ATAD3B: variants seen among roughly 807,000 people sequenced by gnomAD.
ATAD3B encodes the protein ATPase family AAA domain containing 3B, also known as ATPase family AAA domain-containing protein 3B.
A neutral mutation model predicts 70.2 loss-of-function variants in ATAD3B; 59 were observed. The observed-to-expected ratio is 0.84, with a 90% CI of 0.68 to 1.04. The LOEUF (loss-of-function observed/expected upper bound fraction) is 1.04. Ranked by LOEUF, ATAD3B falls within the 50% of genes least tolerant of loss-of-function variation. The pLI is 0.00. For missense variants in ATAD3B, 961 were observed against 913.4 expected, an observed-to-expected ratio of 1.05 and a Z score of -0.67; for synonymous variants, 423 against 388.6, an observed-to-expected ratio of 1.09 and a Z score of -1.04.
intron 7 of ATAD3B, among the ~76,000 whole-genome samples, chr1:1,483,309 A>G (rs1640024247): frequency 6.6e-6 from 1 of 151,776 alleles, no homozygotes. Context: ...TCTGCTAAAA[A>G]TACAAAAATT....
At chr1:1,477,501 G>T (rs181067273) in intron 2 of ATAD3B, 151 bp downstream of exon 2, 4 of 1,350,612 alleles carry the variant, frequency 3.0e-6, no homozygotes, top group Admixed American at 2.1e-5. Context: ...ATTTCACAGA[G>T]GGAAACAAGG....
At chr1:1,501,794 G>A (rs1364376250), downstream of ATAD3B, among the ~76,000 whole-genome samples, 1 of 152,178 alleles carries the variant, frequency 6.6e-6, no homozygotes, top group African/African-American at 2.4e-5. Context: ...AATGCACTAC[G>A]GCAGTCCGTG....
chr1:1,477,212 G>A (rs1163265715), intron 1 of ATAD3B, 62 bp from the exon 2 acceptor site: 4 of 1,594,638 alleles, frequency 2.5e-6, no homozygotes, highest in Admixed American at 3.4e-5. Flanking sequence ...GTTTCACCAT[G>A]TTGGCCAGGC....
chr1:1,499,963 T>A (rs1182364110), downstream of ATAD3B, among the ~76,000 whole-genome samples: 1 of 149,024 alleles, frequency 6.7e-6, no homozygotes, highest in Admixed American at 6.7e-5. Context: ...AGTGGCACGA[T>A]CTTGTCTCAC....
At chr1:1,472,649 A>C (rs563505423) in intron 1 of ATAD3B, among the ~76,000 whole-genome samples, 13 of 152,174 alleles carry the variant, frequency 8.5e-5, no homozygotes, top group Admixed American at 8.5e-4. Context: ...CAAGGCCCTC[A>C]GGGTGTGAGC....
chr1:1,499,384 G>A (rs189992875), downstream of ATAD3B, among the ~76,000 whole-genome samples: 13 of 141,378 alleles, frequency 9.2e-5, no homozygotes, highest in African/African-American at 2.9e-4. Context: ...TTACAGGCAC[G>A]TGCCACCACG....
chr1:1,490,360 C>G lies in ATAD3B; in HGVS notation c.1441C>G (p.Arg481Gly). 1.2e-6 allele frequency: 2 copies of G among 1,613,480 alleles called. No homozygotes were observed. Among genetic ancestry groups the G allele is most frequent in the South Asian group, 1.1e-5 (1 of 91,030 alleles). ...CTTCGACCTGCCGCAGCAGGAGGAG[C>G]GGGAGCGCCTGGTGAGACTGCATTT... ...VHFDLPQQEE[R>G]ERLVRLHFDN... The change falls in exon 14 of 16, where the codon CGG becomes GGG. Residue 481 changes from arginine (R) to glycine (G), a missense_variant. Coordinates refer to ENST00000673477, the MANE Select transcript of ATAD3B (RefSeq NM_031921.6).
At chr1:1,484,787 G>A (rs1640111507) in intron 7 of ATAD3B, 4 of 1,233,000 alleles carry the variant, frequency 3.2e-6, no homozygotes, top group East Asian at 5.3e-5. Context: ...TATGCTGCCA[G>A]TTGCAGAGAA....
At position 1,489,120 on chromosome 1, in the gene ATAD3B, G is replaced by T; in HGVS notation, c.1267-84G>T. 3.1e-6 allele frequency: 5 copies of T among 1,603,080 alleles called. 1 individual carries two copies. In the South Asian group the frequency reaches 5.5e-5, roughly 18 times the overall value. ...TGTCGCCACGTCCCTGCTCCCTGCA[G>T]GAGGGAGGCCTGTGGGACTTTCTGC... On this transcript the variant is annotated intron_variant, in intron 12 of 15. Transcript: ENST00000673477.
downstream of ATAD3B, among the ~76,000 whole-genome samples, chr1:1,498,195 C>T (rs564832176): frequency 5.5e-4 from 83 of 152,032 alleles, 1 homozygote; most frequent in Admixed American, 1.9e-3. Flanking sequence ...CCCAGCTACT[C>T]GGGAGGCCGA....
chr1:1,498,532 G>A (rs568720300), downstream of ATAD3B, among the ~76,000 whole-genome samples: 116 of 151,910 alleles, frequency 7.6e-4, no homozygotes, highest in Non-Finnish European at 3.7e-4. Context: ...GGATGGGGTC[G>A]GTGGGTGGGG....
chr1:1,501,316 A>G (rs552259022), downstream of ATAD3B, among the ~76,000 whole-genome samples: 146 of 150,734 alleles, frequency 9.7e-4, no homozygotes, highest in African/African-American at 3.2e-3. Flanking sequence ...GTGCAATGGC[A>G]CGATCTCGGC....
chr1:1,486,026 G>A (rs568244447), intron 9 of ATAD3B, 84 bp from the exon 10 acceptor site: 32 of 1,603,826 alleles, frequency 2.0e-5, no homozygotes, highest in East Asian at 4.5e-5. Flanking sequence ...AGCAGAGTCC[G>A]CACCCGGGCA....
At chr1:1,495,391 C>T (rs1223761802) in intron 15 of ATAD3B, 94 bp from the exon 16 acceptor site, 1 of 1,480,476 alleles carries the variant, frequency 6.8e-7, no homozygotes, top group African/African-American at 1.4e-5. Flanking sequence ...CCTGGTGCCC[C>T]TGGTTTGGCC....
In ATAD3B at chr1:1,490,072, C is replaced by T. The variant is rs142544736; in HGVS notation, c.1338-185C>T. On this transcript the variant is annotated intron_variant, in intron 13 of 15. Transcript: ENST00000673477. ...AGAAGCCGGGCGGGGGGCAGCTGGG[C>T]GTGGTGGGGCAGGCAGGCGGGTGAC... 1.9e-4 allele frequency: 266 copies of T among 1,418,920 alleles called. 1 individual carries two copies. The African/African-American group carries it at 3.3e-3, about 18-fold the overall frequency. 87.9% of individuals were successfully genotyped at this position (1,418,920 alleles called of 1,614,324 possible).
At chr1:1,499,279 CTTTT>C (rs752359726), downstream of ATAD3B, among the ~76,000 whole-genome samples, 2 of 113,820 alleles carry the variant, frequency 1.8e-5, no homozygotes, top group Non-Finnish European at 3.6e-5. Flanking sequence ...CCTGGAATAC[CTTTT>C]TTTTTTTTTT....
chr1:1,492,823 C>T (rs1640602774), intron 15 of ATAD3B, among the ~76,000 whole-genome samples: 1 of 151,660 alleles, frequency 6.6e-6, no homozygotes, highest in Admixed American at 6.6e-5. Context: ...CCTGTAGTCC[C>T]AGCTACTCAG....
chr1:1,483,380 T>C, intron 7 of ATAD3B: 1 of 259,062 alleles, frequency 3.9e-6, no homozygotes, highest in South Asian at 3.5e-5. Context: ...GGTAGGAAAA[T>C]TGGTTGAACC....
At chr1:1,498,764 G>T (rs570825644), downstream of ATAD3B, among the ~76,000 whole-genome samples, 422 of 149,864 alleles carry the variant, frequency 2.8e-3, 3 homozygotes, top group African/African-American at 9.8e-3. Context: ...GTGCAGTGGT[G>T]AGATCTCGGC....
Sources: gnomAD v4.1 joint callset for allele counts (sites outside exome capture counted in the v4.1 genomes callset) on GRCh38, gnomAD v4.1.1 for gene constraint, MANE v1.5 for transcripts, NCBI Gene and HGNC (gene_info 2026-07-23, HGNC 2026-07-21) for gene names.